The following ARPP19 variants were observed in gnomAD, a reference collection of about 807,000 sequenced individuals.
ARPP19 encodes cAMP regulated phosphoprotein 19.
A neutral mutation model predicts 12.0 loss-of-function variants in ARPP19; 8 were observed. The ratio of observed to expected loss-of-function variants is 0.67; its 90% CI spans 0.39 to 1.21. The LOEUF (loss-of-function observed/expected upper bound fraction) is 1.21, where lower values mean the gene tolerates loss of function less well. Ranked by LOEUF, ARPP19 falls within the 50% of genes most tolerant of loss-of-function variation. The pLI is 0.01. For missense variants in ARPP19, 102 were observed against 136.3 expected (o/e 0.75, Z 1.25); for synonymous variants, 47 against 50.4 (o/e 0.93, Z 0.29).
intron 1 of ARPP19, among the ~76,000 whole-genome samples, chr15:52,562,865 G>GTTT (rs10709933): frequency 1.1e-5 from 1 of 92,922 alleles, no homozygotes; most frequent in Non-Finnish European, 2.2e-5. Context: ...AGCTTAAGAA[G>GTTT]TTTTTTTTTT....
rs577803539 is a variant in ARPP19, at chr15:52,562,514, A to T, written c.46-5292T>A. Among the ~76,000 whole-genome samples the T allele has an allele frequency of 1.5e-4, 23 of 152,264 alleles. No homozygotes were observed. In the South Asian group the frequency reaches 4.8e-3, roughly 32 times the overall value. Reference sequence around the variant, plus strand: ...ACCTTGGCCTTTACAAAAAAAATTTAAAAATTAGATAGGTGTCGTGGTAGA... The same window carrying T: ...ACCTTGGCCTTTACAAAAAAAATTTTAAAATTAGATAGGTGTCGTGGTAGA... On this transcript the variant is annotated intron_variant, in intron 1 of 2. Coordinates refer to ENST00000249822, the MANE Select transcript of ARPP19 (RefSeq NM_006628.6).
At chr15:52,566,710 A>T (rs1022341078) in intron 1 of ARPP19, among the ~76,000 whole-genome samples, 6 of 152,198 alleles carry the variant, frequency 3.9e-5, no homozygotes, top group Non-Finnish European at 7.3e-5. Flanking sequence ...TGCCAGAATT[A>T]TAGGCAAGAG....
At position 52,568,611 on chromosome 15, in the gene ARPP19, G is replaced by A. The variant is rs1044959613; in HGVS notation, c.45+237C>T. On this transcript the variant is annotated intron_variant, in intron 1 of 2. Transcript: ENST00000249822. ...TAAATATAAGTGACTGAGGAACACCGCGACCCACGGAGGTGTTACAAAAGG... is the reference window on the plus strand; with the variant it reads ...TAAATATAAGTGACTGAGGAACACCACGACCCACGGAGGTGTTACAAAAGG... 6 of 455,078 alleles carry A rather than the reference G, an allele frequency of 1.3e-5. No homozygotes were observed. In the South Asian group the frequency reaches 2.6e-4, roughly 20 times the overall value. 28.2% of individuals were successfully genotyped at this position (455,078 alleles called of 1,614,324 possible).
intron 1 of ARPP19, among the ~76,000 whole-genome samples, chr15:52,563,758 A>T (rs937867900): frequency 3.5e-4 from 53 of 152,206 alleles, no homozygotes; most frequent in African/African-American, 1.3e-3. Context: ...GCTCAGCAAC[A>T]TGTTGACTGA....
chr15:52,566,938 G>A (rs1418115715), intron 1 of ARPP19, among the ~76,000 whole-genome samples: 3 of 151,132 alleles, frequency 2.0e-5, no homozygotes. Context: ...ATTCTTTAGC[G>A]GCAACAGGCA....
intron 2 of ARPP19, among the ~76,000 whole-genome samples, chr15:52,554,340 A>C (rs1187244399): frequency 6.6e-6 from 1 of 152,226 alleles, no homozygotes; most frequent in Non-Finnish European, 1.5e-5. Context: ...CCTGACAATT[A>C]GAATTGCCCT....
chr15:52,568,814 G>C, intron 1 of ARPP19, 34 bp downstream of exon 1: 5 of 1,530,676 alleles, frequency 3.3e-6, no homozygotes, highest in South Asian at 2.4e-5. Flanking sequence ...CCCGGCCTTG[G>C]GCAGGGCCCA....
At chr15:52,559,942 A>G (rs902720462) in intron 1 of ARPP19, among the ~76,000 whole-genome samples, 29 of 152,200 alleles carry the variant, frequency 1.9e-4, no homozygotes, top group South Asian at 2.1e-4. Flanking sequence ...CTGGAGTCCT[A>G]CATTTCCAAT....
intron 1 of ARPP19, among the ~76,000 whole-genome samples, chr15:52,562,990 C>T (rs538814360): frequency 3.0e-4 from 45 of 151,266 alleles, no homozygotes; most frequent in African/African-American, 1.1e-3. Flanking sequence ...ATTCTCCTGC[C>T]TCAGCCTCCC....
chr15:52,561,371 A>T (rs981036535), intron 1 of ARPP19, among the ~76,000 whole-genome samples: 4 of 152,260 alleles, frequency 2.6e-5, no homozygotes, highest in Non-Finnish European at 1.5e-5. Context: ...AGGAATGACT[A>T]TTACTAAACA....
In ARPP19 at chr15:52,568,606, A is replaced by T. The variant is rs536609772; in HGVS notation, c.45+242T>A. On this transcript the variant is annotated intron_variant, in intron 1 of 2. Transcript: ENST00000249822. ...TCGCGTAAATATAAGTGACTGAGGA[A>T]CACCGCGACCCACGGAGGTGTTACA... The T allele has an allele frequency of 2.4e-5, 11 of 453,570 alleles. 1 individual carries two copies. In the South Asian group the frequency reaches 4.7e-4, roughly 20 times the overall value. The allele number at this position is 453,570 out of a possible 1,614,324, so 28.1% of individuals were successfully genotyped here. A position where few individuals can be genotyped will look rare whatever the true frequency, so the allele number is the denominator to read the frequency against.
intron 1 of ARPP19, among the ~76,000 whole-genome samples, chr15:52,560,873 C>A (rs1004071676): frequency 2.6e-5 from 4 of 152,260 alleles, no homozygotes; most frequent in East Asian, 1.9e-4. Flanking sequence ...TAAACAGGGG[C>A]TCTAGTAGCA....
At chr15:52,566,831 T>C (rs527459141) in intron 1 of ARPP19, among the ~76,000 whole-genome samples, 1 of 152,376 alleles carries the variant, frequency 6.6e-6, no homozygotes, top group South Asian at 2.1e-4. Flanking sequence ...GACAGGAATC[T>C]ATCTGGTTTT....
rs1055746 is a variant in ARPP19, at chr15:52,551,073, A to C, written c.*861T>G. 15,627 of 152,688 alleles carry C rather than the reference A, an allele frequency of 0.1. 887 individuals are homozygous for C. Among genetic ancestry groups the C allele is most frequent in the Middle Eastern group, 0.17 (50 of 294 alleles). 9.5% of individuals were successfully genotyped at this position (152,688 alleles called of 1,614,324 possible). A position where few individuals can be genotyped will look rare whatever the true frequency, so the allele number is the denominator to read the frequency against. ...TTCTATAAGCCCGAGATTGTAAACT[A>C]CTCTTATTATACAAAAGCTATAATG... On this transcript the variant is annotated 3_prime_UTR_variant, in exon 3 of 3. Coordinates refer to ENST00000249822, the MANE Select transcript of ARPP19 (RefSeq NM_006628.6).
intron 1 of ARPP19, among the ~76,000 whole-genome samples, chr15:52,564,978 C>A (rs938090483): frequency 6.6e-6 from 1 of 151,216 alleles, no homozygotes; most frequent in Non-Finnish European, 1.5e-5. Flanking sequence ...TGTGAGAGAA[C>A]AGATATATAA....
At chr15:52,567,838 C>T (rs1482251141) in intron 1 of ARPP19, among the ~76,000 whole-genome samples, 1 of 152,018 alleles carries the variant, frequency 6.6e-6, no homozygotes, top group Non-Finnish European at 1.5e-5. Context: ...GACATAAGTG[C>T]AACATTAAGC....
Position 52,568,672 on chromosome 15 carries a change from C to G in ARPP19, c.45+176G>C, listed in dbSNP as rs1204499540. 11 of 491,374 alleles carry G rather than the reference C, an allele frequency of 2.2e-5. No individual in the cohort carries two copies. The Admixed American group carries it at 4.9e-4, about 22-fold the overall frequency. The allele number at this position is 491,374 out of a possible 1,614,324, so 30.4% of individuals were successfully genotyped here. ...AGTAAACGCGGGGCACGTTGGAACT[C>G]CCAATTCGTCGGCGCACCAGCCAGC... On this transcript the variant is annotated intron_variant, in intron 1 of 2. Coordinates refer to ENST00000249822, the MANE Select transcript of ARPP19 (RefSeq NM_006628.6).
chr15:52,567,926 T>C (rs1595870052), intron 1 of ARPP19, among the ~76,000 whole-genome samples: 1 of 152,248 alleles, frequency 6.6e-6, no homozygotes, highest in East Asian at 1.9e-4. Context: ...AGAAAAATTG[T>C]TGATAAACAA....
At chr15:52,557,485 T>C (rs994797909) in intron 1 of ARPP19, 2 of 346,146 alleles carry the variant, frequency 5.8e-6, no homozygotes, top group Non-Finnish European at 1.1e-5. Context: ...TCTGAAGTCT[T>C]GCTTGCCATT....
Sources: allele counts gnomAD v4.1 joint callset (sites outside exome capture counted in the v4.1 genomes callset), GRCh38; gene constraint gnomAD v4.1.1; transcripts MANE v1.5; gene names NCBI Gene and HGNC (gene_info 2026-07-23, HGNC 2026-07-21).